The following IGF2BP2 variants were observed in gnomAD, a reference collection of about 807,000 sequenced individuals.
IGF2BP2 encodes the protein insulin like growth factor 2 mRNA binding protein 2, also known as insulin-like growth factor 2 mRNA-binding protein 2.
Under a neutral mutation model 75.8 loss-of-function variants are expected in IGF2BP2, and 17 were observed. The ratio of observed to expected loss-of-function variants is 0.22; its 90% confidence interval spans 0.15 to 0.34. IGF2BP2 has a LOEUF of 0.34. IGF2BP2 is among the 10% of genes least tolerant of loss of function. The pLI is 1.00. For synonymous variants in IGF2BP2, 288 were observed against 295.6 expected, an observed-to-expected ratio of 0.97 and a Z score of 0.26; for missense variants, 516 against 772.4, an observed-to-expected ratio of 0.67 and a Z score of 3.93.
Position 185,661,164 on chromosome 3 carries a change from G to A in IGF2BP2, c.1201-2755C>T, listed in dbSNP as rs538780317. On this transcript the variant is annotated intron_variant, in intron 10 of 15. Coordinates refer to ENST00000382199, the MANE Select transcript of IGF2BP2 (RefSeq NM_006548.6). Reference sequence around the variant, plus strand: ...GGAGCTTGTTTCTAGCGGAGGCTCTGCCATTAGCCCCTGTATATAGAAGTT... The same window carrying A: ...GGAGCTTGTTTCTAGCGGAGGCTCTACCATTAGCCCCTGTATATAGAAGTT... 5.3e-5 allele frequency among the ~76,000 whole-genome samples: 8 copies of A among 152,342 alleles called. No homozygotes were observed. The South Asian group carries it at 1.2e-3, about 24-fold the overall frequency.
chr3:185,655,484 T>G (rs1415451384), intron 12 of IGF2BP2, among the ~76,000 whole-genome samples: 1 of 152,222 alleles, frequency 6.6e-6, no homozygotes, highest in Non-Finnish European at 1.5e-5. Flanking sequence ...CCTCCCTGGT[T>G]TATGCTATGG....
rs1713832780 is a variant in IGF2BP2, at chr3:185,647,688, C to T, written c.1594-550G>A. Among the ~76,000 whole-genome samples the T allele has an allele frequency of 6.6e-6, 1 of 152,210 alleles. No individual in the cohort carries two copies. Among genetic ancestry groups the T allele is most frequent in the African/African-American group, 2.4e-5 (1 of 41,446 alleles). On this transcript the variant is annotated intron_variant, in intron 14 of 15. Coordinates refer to ENST00000382199, the MANE Select transcript of IGF2BP2 (RefSeq NM_006548.6). This position sits in a 1 kb window ranked among gnomAD's most constrained non-coding sequence, Gnocchi z 4.9. ...CGGCCACTGGATCCCACCCCAGGCC[C>T]ACCTCCATGAAGCCTCCAGCCCATG...
chr3:185,716,638 C>A, intron 2 of IGF2BP2: 1 of 520,102 alleles, frequency 1.9e-6, no homozygotes. Context: ...AGCACAGCAC[C>A]AGCCCTCAGC....
At chr3:185,763,146 A>T (rs1390303994) in intron 2 of IGF2BP2, among the ~76,000 whole-genome samples, 1 of 151,980 alleles carries the variant, frequency 6.6e-6, no homozygotes, top group African/African-American at 2.4e-5. Flanking sequence ...AGGCACTGGT[A>T]TTTTTTTTAA....
intron 2 of IGF2BP2, among the ~76,000 whole-genome samples, chr3:185,719,008 C>T (rs958239580): frequency 1.3e-5 from 2 of 152,048 alleles, no homozygotes; most frequent in East Asian, 1.9e-4. Flanking sequence ...CAGTGTGGAC[C>T]GCGGTAGGAC....
At chr3:185,730,867 G>A (rs1230844119) in intron 2 of IGF2BP2, among the ~76,000 whole-genome samples, 1 of 151,990 alleles carries the variant, frequency 6.6e-6, no homozygotes, top group East Asian at 1.9e-4. Context: ...CTTTTTCTCT[G>A]CATCCACCCC....
At chr3:185,778,044 G>A (rs1734740451) in intron 2 of IGF2BP2, among the ~76,000 whole-genome samples, 2 of 152,152 alleles carry the variant, frequency 1.3e-5, no homozygotes, top group East Asian at 3.9e-4. Context: ...CAAATGTGGA[G>A]GCTCGCTGAG....
In IGF2BP2 at chr3:185,645,426, T is replaced by A. The variant is rs1577774324; in HGVS notation, c.*105A>T. ...CTCCGCAGACTTCTCATTCCTCAGA[T>A]GGTCTTTGGTTTGCTCCCGATCTGG... On this transcript the variant is annotated 3_prime_UTR_variant, in exon 16 of 16. Transcript: ENST00000382199. This position sits in a 1 kb window ranked among gnomAD's most constrained non-coding sequence, Gnocchi z 4.9. 1 of 774,720 alleles carries A rather than the reference T, an allele frequency of 1.3e-6. No homozygotes were observed. Among genetic ancestry groups the A allele is most frequent in the East Asian group, 2.6e-5 (1 of 39,056 alleles). 48.0% of individuals were successfully genotyped at this position (774,720 alleles called of 1,614,324 possible).
intron 2 of IGF2BP2, among the ~76,000 whole-genome samples, chr3:185,755,303 C>A (rs544884441): frequency 6.6e-6 from 1 of 152,202 alleles, no homozygotes; most frequent in East Asian, 1.9e-4. Flanking sequence ...TGCAAGATAC[C>A]ATAAACCTTG....
At chr3:185,661,635 CAAAAAA>C (rs562781189) in intron 10 of IGF2BP2, among the ~76,000 whole-genome samples, 7 of 39,624 alleles carry the variant, frequency 1.8e-4, no homozygotes, top group East Asian at 8.1e-4. Flanking sequence ...AAGACTGTCT[CAAAAAA>C]AAAAAAAAAA....
chr3:185,653,612 TA>T (rs79345407), intron 12 of IGF2BP2, among the ~76,000 whole-genome samples: 154 of 141,296 alleles, frequency 1.1e-3, no homozygotes, highest in Non-Finnish European at 1.0e-3. Flanking sequence ...GACTCCGTCT[TA>T]AAAAAAAAAA....
chr3:185,753,800 G>C (rs1214274851), intron 2 of IGF2BP2, among the ~76,000 whole-genome samples: 1 of 152,110 alleles, frequency 6.6e-6, no homozygotes, highest in South Asian at 2.1e-4. Flanking sequence ...GGTGGGGCCT[G>C]GTGGGAGGTA....
At chr3:185,817,565 C>G (rs1740772300) in intron 2 of IGF2BP2, among the ~76,000 whole-genome samples, 1 of 152,154 alleles carries the variant, frequency 6.6e-6, no homozygotes, top group African/African-American at 2.4e-5. Flanking sequence ...AAATAATGCT[C>G]TGAGCACTCT....
At position 185,709,259 on chromosome 3, in the gene IGF2BP2, T is replaced by C. The variant is rs144152627; in HGVS notation, c.240-10912A>G. Reference sequence around the variant, plus strand: ...ACTGTGCCATCCTTTCAGCATCTTGTCAATTAGTTTCCAAAAAATTGTTCT... The same window carrying C: ...ACTGTGCCATCCTTTCAGCATCTTGCCAATTAGTTTCCAAAAAATTGTTCT... On this transcript the variant is annotated intron_variant, in intron 2 of 15. Coordinates refer to ENST00000382199, the MANE Select transcript of IGF2BP2 (RefSeq NM_006548.6). Among the ~76,000 whole-genome samples the C allele has an allele frequency of 3.9e-5, 6 of 152,360 alleles. No individual in the cohort carries two copies. In the East Asian group the frequency reaches 7.7e-4, roughly 20 times the overall value.
chr3:185,682,985 TG>T (rs991898904), intron 7 of IGF2BP2, among the ~76,000 whole-genome samples: 1 of 152,186 alleles, frequency 6.6e-6, no homozygotes, highest in Non-Finnish European at 1.5e-5. Flanking sequence ...AAGAGCTATT[TG>T]AAAACCCATG....
intron 2 of IGF2BP2, among the ~76,000 whole-genome samples, chr3:185,778,886 CA>C (rs1187651726): frequency 1.3e-5 from 2 of 152,150 alleles, no homozygotes; most frequent in African/African-American, 4.8e-5. Context: ...CCTTACATAA[CA>C]GTGTTCAGGT....
chr3:185,663,075 G>A (rs541964270), intron 10 of IGF2BP2, among the ~76,000 whole-genome samples: 1 of 152,230 alleles, frequency 6.6e-6, no homozygotes, highest in South Asian at 2.1e-4. Context: ...AAAGTAACTT[G>A]GCAATGACTC....
chr3:185,652,004 T>G, intron 13 of IGF2BP2, 90 bp downstream of exon 13: 3 of 958,084 alleles, frequency 3.1e-6, no homozygotes, highest in Non-Finnish European at 4.6e-6. Flanking sequence ...AAATGGAGGC[T>G]GGGCCTCCAA....
chr3:185,786,762 C>A (rs574296553), intron 2 of IGF2BP2, among the ~76,000 whole-genome samples: 54 of 152,102 alleles, frequency 3.6e-4, no homozygotes, highest in Non-Finnish European at 4.9e-4. Flanking sequence ...TACGTGGAAA[C>A]CTACATATAC....
Sources: allele counts gnomAD v4.1 joint callset (sites outside exome capture counted in the v4.1 genomes callset), GRCh38; gene constraint gnomAD v4.1.1; non-coding constraint Gnocchi (gnomAD v3.1); transcripts MANE v1.5; gene names NCBI Gene and HGNC (gene_info 2026-07-23, HGNC 2026-07-21).